Variants in DIPK1A observed in about 807,000 individuals in gnomAD.
DIPK1A encodes family with sequence similarity 69 member A.
A neutral mutation model predicts 40.8 loss-of-function variants in DIPK1A; 27 were observed. The ratio of observed to expected loss-of-function variants is 0.66; its 90% CI spans 0.49 to 0.91. DIPK1A has a LOEUF of 0.91. Ranked by LOEUF, DIPK1A falls within the 40% of genes least tolerant of loss-of-function variation. The probability of loss-of-function intolerance (pLI) is 0.00; values close to 1 mark genes in which losing one functional copy is unlikely to be tolerated. For missense variants in DIPK1A, 412 were observed against 505.7 expected (o/e 0.81, Z 1.78); for synonymous variants, 166 against 171.3 (o/e 0.97, Z 0.24).
chr1:92,851,042 G>A, intron 2 of DIPK1A, 87 bp from the exon 3 acceptor site: 1 of 829,728 alleles, frequency 1.2e-6, no homozygotes, highest in Non-Finnish European at 1.9e-6. Flanking sequence ...TTATGAGTAA[G>A]TTCTATGACA....
In DIPK1A at chr1:92,842,991, T is replaced by C. The variant is rs780258784; in HGVS notation, c.*392A>G. On this transcript the variant is annotated 3_prime_UTR_variant, in exon 5 of 5. Coordinates refer to ENST00000370310, the MANE Select transcript of DIPK1A (RefSeq NM_001006605.5). Reference sequence around the variant, plus strand: ...TACCATGCTAAGACATTAGTAAATTTATAAATTTTCTTGTTGAACAGCAGC... The same window carrying C: ...TACCATGCTAAGACATTAGTAAATTCATAAATTTTCTTGTTGAACAGCAGC... The C allele has an allele frequency of 1.8e-5, 18 of 994,406 alleles. No individual in the cohort carries two copies. The highest frequency in any genetic ancestry group is 2.0e-5 in the Non-Finnish European group (17 of 835,852). 61.6% of individuals were successfully genotyped at this position (994,406 alleles called of 1,614,324 possible). A position where few individuals can be genotyped will look rare whatever the true frequency, so the allele number is the denominator to read the frequency against.
At chr1:92,887,677 G>C (rs1233238881) in intron 1 of DIPK1A, among the ~76,000 whole-genome samples, 2 of 152,174 alleles carry the variant, frequency 1.3e-5, no homozygotes, top group African/African-American at 4.8e-5. Flanking sequence ...AAGTTTTGGG[G>C]AAATTTATTA....
intron 4 of DIPK1A, 121 bp downstream of exon 4, chr1:92,847,062 A>C: frequency 1.6e-6 from 1 of 621,892 alleles, no homozygotes; most frequent in Non-Finnish European, 2.4e-6. Flanking sequence ...TTATTTCCTC[A>C]GGATGGAGAA....
At chr1:92,875,267 G>A (rs567298743) in intron 2 of DIPK1A, among the ~76,000 whole-genome samples, 1 of 151,944 alleles carries the variant, frequency 6.6e-6, no homozygotes, top group Non-Finnish European at 1.5e-5. Flanking sequence ...AAGATATTTT[G>A]CTCCCTGTTA....
chr1:92,958,159 G>A (rs578125652), intron 1 of DIPK1A, among the ~76,000 whole-genome samples: 2 of 152,182 alleles, frequency 1.3e-5, no homozygotes, highest in Admixed American at 6.5e-5. Flanking sequence ...GCTATAAACA[G>A]TGAATAGGTG....
chr1:92,958,823 T>C (rs1415984752), intron 1 of DIPK1A, among the ~76,000 whole-genome samples: 1 of 152,240 alleles, frequency 6.6e-6, no homozygotes, highest in Non-Finnish European at 1.5e-5. Context: ...ATTTAGTTAG[T>C]AATCTCAGGT....
chr1:92,955,498 A>G (rs1169117788), intron 1 of DIPK1A, among the ~76,000 whole-genome samples: 2 of 151,880 alleles, frequency 1.3e-5, no homozygotes, highest in African/African-American at 4.8e-5. Context: ...GGAGATCGAG[A>G]CCATCCTGGC....
At chr1:92,910,628 AAAAT>A (rs1364062622) in intron 1 of DIPK1A, among the ~76,000 whole-genome samples, 1 of 151,870 alleles carries the variant, frequency 6.6e-6, no homozygotes, top group Non-Finnish European at 1.5e-5. Flanking sequence ...AATTATTATT[AAAAT>A]AAATATGCTA....
intron 1 of DIPK1A, among the ~76,000 whole-genome samples, chr1:92,958,828 T>C (rs942790219): frequency 1.3e-5 from 2 of 152,180 alleles, no homozygotes; most frequent in African/African-American, 4.8e-5. Flanking sequence ...GTTAGTAATC[T>C]CAGGTTGATG....
chr1:92,923,538 A>G, intron 1 of DIPK1A, among the ~76,000 whole-genome samples: 1 of 152,332 alleles, frequency 6.6e-6, no homozygotes, highest in East Asian at 1.9e-4. Context: ...TCTATAATAA[A>G]TAATTTTCAG....
rs1459594355 is a variant in DIPK1A at position 92,842,530 on chromosome 1, C to T, written c.*853G>A. ...TTTACATGCCTCTTTAAGAAATAGC[C>T]CTTTGGCCCACAGGATATACTGTTT... On this transcript the variant is annotated 3_prime_UTR_variant, in exon 5 of 5. Transcript: ENST00000370310. 1.0e-6 allele frequency: 1 copy of T among 983,814 alleles called. No homozygotes were observed. Among genetic ancestry groups the T allele is most frequent in the Non-Finnish European group, 1.2e-6 (1 of 828,734 alleles). 60.9% of individuals were successfully genotyped at this position (983,814 alleles called of 1,614,324 possible). A position where few individuals can be genotyped will look rare whatever the true frequency, so the allele number is the denominator to read the frequency against.
At chr1:92,865,662 T>G (rs369306924) in intron 2 of DIPK1A, among the ~76,000 whole-genome samples, 2 of 152,312 alleles carry the variant, frequency 1.3e-5, no homozygotes, top group East Asian at 3.9e-4. Flanking sequence ...TTTCATATTT[T>G]TACTAAAACT....
At chr1:92,833,034 C>T (rs772003988) in exon 5 of DIPK1A, 3 of 739,322 alleles carry the variant, frequency 4.1e-6, no homozygotes, top group Admixed American at 3.7e-5. Flanking sequence ...CGGTGCTGGT[C>T]CTTGAAGAAA....
At chr1:92,836,075 G>A in intron 4 of DIPK1A, 1 of 937,918 alleles carries the variant, frequency 1.1e-6, no homozygotes, top group Admixed American at 1.7e-5. Flanking sequence ...GGTGGGTGTG[G>A]AAGGAAATTT....
intron 2 of DIPK1A, among the ~76,000 whole-genome samples, chr1:92,863,002 T>C (rs1647349829): frequency 6.6e-6 from 1 of 152,200 alleles, no homozygotes; most frequent in Non-Finnish European, 1.5e-5. Flanking sequence ...ATTATTGTTG[T>C]TTATTGGCAA....
In DIPK1A at chr1:92,846,882, T is replaced by C. The variant is rs61435685; in HGVS notation, c.474+301A>G. On this transcript the variant is annotated intron_variant, in intron 4 of 4. Coordinates refer to ENST00000370310, the MANE Select transcript of DIPK1A (RefSeq NM_001006605.5). ...ATGTGTGTATATATATATATATATA[T>C]ACACACACACGTATATATATATATA... 5.6e-3 allele frequency among the ~76,000 whole-genome samples: 9 copies of C among 1,616 alleles called. 1 individual carries two copies. The highest frequency in any genetic ancestry group is 0.022 in the African/African-American group (5 of 232). 1.1% of individuals were successfully genotyped at this position (1,616 alleles called of 152,430 possible).
At chr1:92,839,316 G>A (rs557822048), downstream of DIPK1A, among the ~76,000 whole-genome samples, 17 of 152,240 alleles carry the variant, frequency 1.1e-4, no homozygotes, top group East Asian at 3.1e-3. Flanking sequence ...CTGGGATCGC[G>A]CTACTGCACT....
chr1:92,933,580 C>T (rs1650841954), intron 1 of DIPK1A: 1 of 152,056 alleles, frequency 6.6e-6, no homozygotes, highest in African/African-American at 2.4e-5. Flanking sequence ...GAGGACATCA[C>T]TGATATCTTG....
chr1:92,956,303 C>T (rs1219422535), intron 1 of DIPK1A, among the ~76,000 whole-genome samples: 2 of 152,090 alleles, frequency 1.3e-5, no homozygotes, highest in Non-Finnish European at 2.9e-5. Flanking sequence ...GAGAATTCAC[C>T]ATTTCTTTGA....
Sources: allele counts gnomAD v4.1 joint callset (sites outside exome capture counted in the v4.1 genomes callset), GRCh38; gene constraint gnomAD v4.1.1; transcripts MANE v1.5; gene names NCBI Gene and HGNC (gene_info 2026-07-23, HGNC 2026-07-21).